The following ANK2 variants were observed in gnomAD, a reference collection of about 807,000 sequenced individuals.
ANK2 encodes the protein ankyrin-2.
A neutral mutation model predicts 360.5 loss-of-function variants in ANK2; 83 were observed. That is an observed-to-expected ratio of 0.23 (90% CI 0.19 to 0.28). The LOEUF (loss-of-function observed/expected upper bound fraction) is 0.28, where lower values mean the gene tolerates loss of function less well. Ranked by LOEUF, ANK2 falls within the 10% of genes least tolerant of loss-of-function variation. The pLI is 1.00. For missense variants in ANK2, 4,201 were observed against 4,795.7 expected (o/e 0.88, Z 3.66); for synonymous variants, 1,740 against 1,759.5 (o/e 0.99, Z 0.28).
intron 18 of ANK2, among the ~76,000 whole-genome samples, chr4:113,286,632 T>C (rs2064746098): frequency 6.6e-6 from 1 of 152,168 alleles, no homozygotes; most frequent in African/African-American, 2.4e-5. Flanking sequence ...AGATGTGAAC[T>C]GGGGAAGAGG....
chr4:113,022,614 T>C (rs1279053464), intron 2 of ANK2, among the ~76,000 whole-genome samples: 1 of 152,250 alleles, frequency 6.6e-6, no homozygotes, highest in Non-Finnish European at 1.5e-5. Context: ...AGTAAAACTA[T>C]AATTGCTACC....
At chr4:112,720,413 C>G in the ANK2 span, among the ~76,000 whole-genome samples, 1 of 152,120 alleles carries the variant, frequency 6.6e-6, no homozygotes, top group Non-Finnish European at 1.5e-5. Context: ...ATCTTTTCTC[C>G]AGTCTTACTT....
intron 14 of ANK2, among the ~76,000 whole-genome samples, chr4:113,270,466 T>G (rs1038902178): frequency 6.6e-6 from 1 of 152,214 alleles, no homozygotes; most frequent in African/African-American, 2.4e-5. Flanking sequence ...AATTCTACTT[T>G]TTTACTTCTC....
At chr4:113,155,826 G>T (rs868297055) in intron 1 of ANK2, among the ~76,000 whole-genome samples, 8 of 152,042 alleles carry the variant, frequency 5.3e-5, no homozygotes, top group Admixed American at 1.3e-4. Flanking sequence ...ACAAATCAAA[G>T]AACAAATGTG....
At chr4:112,793,061 G>T in the ANK2 span, among the ~76,000 whole-genome samples, 1 of 152,060 alleles carries the variant, frequency 6.6e-6, no homozygotes, top group African/African-American at 2.4e-5. Flanking sequence ...GAAGAATGTG[G>T]TTTACTTCAA....
upstream of ANK2, among the ~76,000 whole-genome samples, chr4:112,813,253 TC>T (rs2055433127): frequency 2.8e-5 from 3 of 108,862 alleles, no homozygotes; most frequent in African/African-American, 6.6e-5. Flanking sequence ...AAAAAAAAAA[TC>T]AAAAAAAAAA....
At chr4:112,789,787 G>A in the ANK2 span, among the ~76,000 whole-genome samples, 1 of 152,194 alleles carries the variant, frequency 6.6e-6, no homozygotes, top group Admixed American at 6.5e-5. Context: ...TAAGGGATGG[G>A]AAAGAACATG....
At chr4:113,078,947 A>G (rs548081394) in intron 1 of ANK2, among the ~76,000 whole-genome samples, 60 of 152,224 alleles carry the variant, frequency 3.9e-4, no homozygotes, top group Non-Finnish European at 7.6e-4. Flanking sequence ...ATCTTGGAAG[A>G]TAGTTGCAAA....
chr4:112,871,290 A>G (rs1430679962), intron 1 of ANK2, among the ~76,000 whole-genome samples: 1 of 151,976 alleles, frequency 6.6e-6, no homozygotes, highest in Non-Finnish European at 1.5e-5. Flanking sequence ...GGTTCAAGCA[A>G]TTCTCCTGCC....
intron 1 of ANK2, among the ~76,000 whole-genome samples, chr4:113,054,755 A>G (rs2068771510): frequency 6.6e-6 from 1 of 152,204 alleles, no homozygotes; most frequent in Admixed American, 6.5e-5. Context: ...GGTATTTAAA[A>G]TGACCATCTG....
intron 2 of ANK2, among the ~76,000 whole-genome samples, chr4:113,179,767 C>T (rs536785559): frequency 3.3e-5 from 5 of 152,206 alleles, no homozygotes; most frequent in Admixed American, 1.3e-4. Context: ...GATTAACATT[C>T]GGACATTAAA....
At chr4:112,994,434 A>G (rs2047853393) in intron 2 of ANK2, among the ~76,000 whole-genome samples, 1 of 152,182 alleles carries the variant, frequency 6.6e-6, no homozygotes, top group African/African-American at 2.4e-5. Flanking sequence ...AAATTCGAAC[A>G]TTTCTATCTC....
At chr4:113,182,371 A>C (rs555946160) in intron 2 of ANK2, among the ~76,000 whole-genome samples, 2 of 152,304 alleles carry the variant, frequency 1.3e-5, no homozygotes, top group Middle Eastern at 3.4e-3. Flanking sequence ...TCCAGAAAAA[A>C]GATTTTGGCC....
chr4:113,166,247 T>A lies in ANK2; in HGVS notation c.85-8169T>A, dbSNP rs2097753417. On this transcript the variant is annotated intron_variant, in intron 1 of 45. Coordinates refer to ENST00000357077, the MANE Select transcript of ANK2 (RefSeq NM_001148.6). Reference sequence around the variant, plus strand: ...AGTGAAAGATTTTGTTGCCTCATTGTCATTAACATTTTAGTAACTGGCATA... The same window carrying A: ...AGTGAAAGATTTTGTTGCCTCATTGACATTAACATTTTAGTAACTGGCATA... Among the ~76,000 whole-genome samples, 2 of 152,166 alleles carry A rather than the reference T, an allele frequency of 1.3e-5. 1 individual carries two copies. Among genetic ancestry groups the A allele is most frequent in the South Asian group, 4.1e-4 (2 of 4,836 alleles).
At chr4:113,293,387 C>T (rs767273378) in intron 21 of ANK2, 53 bp from the exon 22 acceptor site, 100 of 1,508,332 alleles carry the variant, frequency 6.6e-5, no homozygotes, top group Non-Finnish European at 8.9e-5. Flanking sequence ...CATTGGCTCA[C>T]ATCGCAGTCC....
At chr4:112,752,438 G>C in the ANK2 span, among the ~76,000 whole-genome samples, 1 of 152,060 alleles carries the variant, frequency 6.6e-6, no homozygotes, top group East Asian at 1.9e-4. Flanking sequence ...TAGAGACAGG[G>C]TCTCTCTCTG....
At chr4:112,954,497 A>C (rs1463907286) in intron 2 of ANK2, among the ~76,000 whole-genome samples, 1 of 152,162 alleles carries the variant, frequency 6.6e-6, no homozygotes, top group African/African-American at 2.4e-5. Context: ...GTATAAGCAC[A>C]CTACTACAAA....
chr4:113,107,769 G>A (rs2093813674), intron 1 of ANK2, among the ~76,000 whole-genome samples: 2 of 152,074 alleles, frequency 1.3e-5, no homozygotes, highest in African/African-American at 4.8e-5. Context: ...TGTTTTACAT[G>A]TGCTATTTCA....
the ANK2 span, among the ~76,000 whole-genome samples, chr4:112,735,023 C>G: frequency 1.3e-5 from 2 of 152,182 alleles, no homozygotes; most frequent in African/African-American, 4.8e-5. Flanking sequence ...TTCCCTAGAG[C>G]AATTGCACAT....
Sources: allele counts gnomAD v4.1 joint callset (sites outside exome capture counted in the v4.1 genomes callset), GRCh38; gene constraint gnomAD v4.1.1; transcripts MANE v1.5; gene names NCBI Gene and HGNC (gene_info 2026-07-23, HGNC 2026-07-21).